The following NIN variants were observed in gnomAD, a reference collection of about 807,000 sequenced individuals.
The protein encoded by NIN is glycogen synthase kinase 3 beta-interacting protein.
In NIN, 137 loss-of-function variants were observed where a neutral mutation model predicts 257.6. The observed-to-expected ratio is 0.53, with a 90% CI of 0.46 to 0.61. NIN has a LOEUF of 0.61. Among genes scored for constraint, NIN ranks in the 20% least tolerant of loss-of-function variants. The pLI is 0.00. For synonymous variants in NIN, 918 were observed against 919.8 expected (o/e 1.00, Z 0.04); for missense variants, 2,439 against 2,501.2 (o/e 0.98, Z 0.53).
chr14:50,825,894 AGC>A (rs2045434858), intron 2 of NIN, among the ~76,000 whole-genome samples: 1 of 152,234 alleles, frequency 6.6e-6, no homozygotes, highest in African/African-American at 2.4e-5. Context: ...GAATAATTAT[AGC>A]CTACAAGGCA....
chr14:50,757,301 C>T lies in NIN; in HGVS notation c.3729G>A (p.Glu1243=). The T allele has an allele frequency of 6.2e-7, 1 of 1,614,100 alleles. No individual in the cohort carries two copies. Among genetic ancestry groups the T allele is most frequent in the South Asian group, 1.1e-5 (1 of 91,066 alleles). ...ACAACAGCTTATATTTGGGAGAAGCCTCAGGGATTCTCTCAAGCATCTTCA... is the reference window on the plus strand; with the variant it reads ...ACAACAGCTTATATTTGGGAGAAGCTTCAGGGATTCTCTCAAGCATCTTCA... ...KKLKMLERIP[E]ASPKYKLLYE... Residue 1243 remains glutamate, a synonymous_variant, in exon 18 of 31, where the codon GAG becomes GAA. Transcript: ENST00000530997.
In NIN at chr14:50,763,905, G is replaced by A. The variant is rs554531464; in HGVS notation, c.1695C>T (p.Gly565=). 153 of 1,614,050 alleles carry A rather than the reference G, an allele frequency of 9.5e-5. 4 individuals are homozygous for A. In the South Asian group the frequency reaches 1.5e-3, roughly 16 times the overall value. ...TCTTCAACGGAAGCCTGAGCACTCTGCCTTGTGCACGATATTCTTCCAGCT... is the reference window on the plus strand; with the variant it reads ...TCTTCAACGGAAGCCTGAGCACTCTACCTTGTGCACGATATTCTTCCAGCT... ...QSELEEYRAQ[G]RVLRLPLKNS... is the part of the protein sequence containing the mutation. Residue 565 remains glycine (G), a synonymous_variant, in exon 15 of 31, where the codon GGC becomes GGT. Transcript: ENST00000530997.
chr14:50,810,518 C>T (rs2044542838), intron 3 of NIN, among the ~76,000 whole-genome samples: 1 of 152,014 alleles, frequency 6.6e-6, no homozygotes, highest in African/African-American at 2.4e-5. Flanking sequence ...CAGCAAGACT[C>T]CATCTCAAAA....
At chr14:50,803,552 C>A (rs2044189117) in intron 4 of NIN, among the ~76,000 whole-genome samples, 1 of 152,146 alleles carries the variant, frequency 6.6e-6, no homozygotes, top group African/African-American at 2.4e-5. Flanking sequence ...AAGACTGGCT[C>A]ACCCATTTGA....
Position 50,744,381 on chromosome 14 carries a change from A to T in NIN, c.5065-16T>A, listed in dbSNP as rs200380835. On this transcript the variant is annotated splice_polypyrimidine_tract_variant and intron_variant, in intron 22 of 30. Transcript: ENST00000530997. ...ATCTGTGCAGCTGTAAGAGATAAACAAATGAGCCCTCCCATCACATCTCAT... is the reference window on the plus strand; with the variant it reads ...ATCTGTGCAGCTGTAAGAGATAAACTAATGAGCCCTCCCATCACATCTCAT... The T allele has an allele frequency of 3.1e-6, 5 of 1,612,628 alleles. No individual in the cohort carries two copies. Among genetic ancestry groups the T allele is most frequent in the Non-Finnish European group, 4.2e-6 (5 of 1,179,294 alleles).
In NIN at chr14:50,720,688, C is replaced by T. The variant is rs577069651; in HGVS notation, c.*2775G>A. ...AAATAAATAAAACACTGTGGTTCTA[C>T]TTCTCCCCTTCTACTCTCCCTTCAC... On this transcript the variant is annotated 3_prime_UTR_variant, in exon 31 of 31. Transcript: ENST00000530997. 1 of 207,068 alleles carries T rather than the reference C, an allele frequency of 4.8e-6. No homozygotes were observed. Among genetic ancestry groups the T allele is most frequent in the East Asian group, 7.4e-5 (1 of 13,534 alleles). 12.8% of individuals were successfully genotyped at this position (207,068 alleles called of 1,614,324 possible).
chr14:50,828,853 C>G (rs1595965934), intron 2 of NIN, among the ~76,000 whole-genome samples: 1 of 152,284 alleles, frequency 6.6e-6, no homozygotes, highest in East Asian at 1.9e-4. Context: ...CAGTTAACAT[C>G]TTTTGATATT....
intron 24 of NIN, chr14:50,742,416 CAG>C (rs1376212784): frequency 2.1e-5 from 3 of 143,578 alleles, no homozygotes; most frequent in Non-Finnish European, 4.5e-5. Context: ...TTTCTGGAGA[CAG>C]AGTCTTGCTC....
intron 3 of NIN, among the ~76,000 whole-genome samples, chr14:50,818,759 T>C (rs1427774203): frequency 1.3e-5 from 2 of 152,160 alleles, no homozygotes; most frequent in Non-Finnish European, 2.9e-5. Flanking sequence ...CTTGCTCAGG[T>C]GAATATGGTT....
At chr14:50,805,475 C>T (rs2044284586) in intron 4 of NIN, among the ~76,000 whole-genome samples, 1 of 152,118 alleles carries the variant, frequency 6.6e-6, no homozygotes, top group African/African-American at 2.4e-5. Context: ...GTGTCACCAT[C>T]CCCGAAAAAG....
At chr14:50,818,328 AAAAAAAAAAAAC>A (rs1187405890) in intron 3 of NIN, among the ~76,000 whole-genome samples, 1 of 151,830 alleles carries the variant, frequency 6.6e-6, no homozygotes, top group Non-Finnish European at 1.5e-5. Context: ...CAAAAAAAAA[AAAAAAAAAAAAC>A]ACTGGATATA....
chr14:50,770,530 G>A lies in NIN; in HGVS notation c.1292C>T (p.Ala431Val), dbSNP rs1242627967. Residue 431 changes from alanine (A) to valine (V), a missense_variant, in exon 12 of 31, where the codon GCA (alanine) becomes GTA (valine). This residue lies in a region of NIN where 2,043 missense variants were observed against 2,050.2 expected (regional missense o/e 1.00). Transcript: ENST00000530997. ...TTTTCGGAGTTCATTTTTTAAGGCT[G>A]CTATTCGCTCCTTGTACTCTTCATC... ...KLDEEYKERIAALKNELRKER... is the reference protein window; with the variant it reads ...KLDEEYKERIVALKNELRKER... The A allele has an allele frequency of 2.5e-6, 4 of 1,614,076 alleles. No homozygotes were observed. In the Admixed American group the frequency reaches 6.7e-5, roughly 27 times the overall value.
intron 22 of NIN, 85 bp from the exon 23 acceptor site, chr14:50,744,450 A>G (rs1280281558): frequency 1.4e-6 from 2 of 1,407,144 alleles, no homozygotes; most frequent in Non-Finnish European, 2.0e-6. Context: ...GCATTTTCAC[A>G]GCTGCTGCTA....
At chr14:50,812,455 A>G (rs1238483309) in intron 3 of NIN, among the ~76,000 whole-genome samples, 1 of 152,212 alleles carries the variant, frequency 6.6e-6, no homozygotes, top group Non-Finnish European at 1.5e-5. Context: ...CACACCAAGT[A>G]TAAGGCAGGA....
chr14:50,831,471 ACT>A (rs1049288706), upstream of NIN, among the ~76,000 whole-genome samples: 3 of 152,004 alleles, frequency 2.0e-5, no homozygotes, highest in African/African-American at 7.3e-5. Flanking sequence ...CACCGCGGAC[ACT>A]CGGGCCGCAG....
At chr14:50,761,264 T>C (rs1249650263) in intron 16 of NIN, among the ~76,000 whole-genome samples, 3 of 152,180 alleles carry the variant, frequency 2.0e-5, no homozygotes, top group African/African-American at 4.8e-5. Flanking sequence ...GAAGGGTAAG[T>C]AGACTTTCGA....
At position 50,757,616 on chromosome 14, in the gene NIN, C is replaced by A; in HGVS notation, c.3414G>T (p.Val1138=). The change falls in exon 18 of 31, where the codon GTG becomes GTT. Residue 1138 remains valine (V), a synonymous_variant. Transcript: ENST00000530997. Reference sequence around the variant, plus strand: ...GGTCACTTAGGACATGCCGCCTGGTCACACCTTCTACTTGCTTCGTTCGGT... The same window carrying A: ...GGTCACTTAGGACATGCCGCCTGGTAACACCTTCTACTTGCTTCGTTCGGT... The part of the protein sequence containing the change: ...QQNRTKQVEG[V]TRRHVLSDLE... 1.9e-6 allele frequency: 3 copies of A among 1,614,142 alleles called. No individual in the cohort carries two copies. Among genetic ancestry groups the A allele is most frequent in the Non-Finnish European group, 2.5e-6 (3 of 1,180,034 alleles).
chr14:50,825,746 C>T (rs2045428777), intron 2 of NIN, among the ~76,000 whole-genome samples: 1 of 152,216 alleles, frequency 6.6e-6, no homozygotes, highest in Non-Finnish European at 1.5e-5. Context: ...AACCACTTAT[C>T]TCCACCTTTA....
rs183753417 is a variant in NIN at position 50,749,158 on chromosome 14, A to C, written c.4951-1053T>G. Among the ~76,000 whole-genome samples, 929 of 152,288 alleles carry C rather than the reference A, an allele frequency of 6.1e-3. 7 individuals carry two copies. Among genetic ancestry groups the C allele is most frequent in the South Asian group, 0.028 (137 of 4,826 alleles). On this transcript the variant is annotated intron_variant, in intron 21 of 30. Coordinates refer to ENST00000530997, the MANE Select transcript of NIN (RefSeq NM_020921.4). ...ACAGAGGCCTCAGAAATAACACTAC[A>C]CATCTGCAACCATCTGATCTTTGAC...
Sources: gnomAD v4.1 joint callset for allele counts (sites outside exome capture counted in the v4.1 genomes callset) on GRCh38, gnomAD v4.1.1 for gene constraint, gnomAD v4.1.1 regional missense constraint, MANE v1.5 for transcripts, NCBI Gene and HGNC (gene_info 2026-07-23, HGNC 2026-07-21) for gene names.